The following TMCC3 variants were observed in gnomAD, a reference collection of about 807,000 sequenced individuals.
TMCC3 encodes transmembrane and coiled-coil domain family 3, also known as transmembrane and coiled-coil domain protein 3.
In TMCC3, 28 loss-of-function variants were observed where a neutral mutation model predicts 40.2. That is an observed-to-expected ratio of 0.70 (90% confidence interval 0.52 to 0.95). TMCC3 has a LOEUF of 0.95. Ranked by LOEUF, TMCC3 falls within the 40% of genes least tolerant of loss-of-function variation. The pLI is 0.00. For missense variants in TMCC3, 554 were observed against 615.2 expected (o/e 0.90, Z 1.05); for synonymous variants, 255 against 248.5 (o/e 1.03, Z -0.25).
At chr12:94,628,758 G>A (rs1005859185) in intron 1 of TMCC3, among the ~76,000 whole-genome samples, 6 of 152,198 alleles carry the variant, frequency 3.9e-5, no homozygotes, top group African/African-American at 1.4e-4. Flanking sequence ...GAGAAATGGG[G>A]ATGACAAATA....
At chr12:94,591,383 T>C (rs2068674235) in intron 1 of TMCC3, among the ~76,000 whole-genome samples, 1 of 150,404 alleles carries the variant, frequency 6.6e-6, no homozygotes. Flanking sequence ...TTTGCTCTGT[T>C]ATCCTTACAG....
intron 1 of TMCC3, among the ~76,000 whole-genome samples, chr12:94,595,545 G>C (rs1289236548): frequency 6.6e-6 from 1 of 152,170 alleles, no homozygotes; most frequent in Non-Finnish European, 1.5e-5. Flanking sequence ...TTTCTCTGAG[G>C]GTGAGGGTTT....
At chr12:94,622,843 G>A (rs2138869663) in intron 1 of TMCC3, among the ~76,000 whole-genome samples, 1 of 151,364 alleles carries the variant, frequency 6.6e-6, no homozygotes, top group Non-Finnish European at 1.5e-5. Context: ...AAAATTACAA[G>A]GCAAAGAGGC....
intron 3 of TMCC3, among the ~76,000 whole-genome samples, chr12:94,578,083 A>G (rs1184143180): frequency 1.4e-5 from 2 of 138,800 alleles, no homozygotes; most frequent in African/African-American, 5.3e-5. Flanking sequence ...CGGGAGGCAG[A>G]GGTCGCAGTG....
intron 1 of TMCC3, among the ~76,000 whole-genome samples, chr12:94,623,225 G>GAA (rs758100994): frequency 6.3e-5 from 9 of 142,760 alleles, no homozygotes; most frequent in African/African-American, 2.3e-4. Flanking sequence ...AAATCTGCAG[G>GAA]AAAAAAAAAA....
At chr12:94,624,638 T>TG in intron 1 of TMCC3, among the ~76,000 whole-genome samples, 1 of 151,914 alleles carries the variant, frequency 6.6e-6, no homozygotes, top group South Asian at 2.1e-4. Context: ...CACTTGAGTC[T>TG]GGGAGGCAGA....
At chr12:94,612,459 C>T (rs887854273) in intron 1 of TMCC3, among the ~76,000 whole-genome samples, 1 of 151,766 alleles carries the variant, frequency 6.6e-6, no homozygotes, top group East Asian at 1.9e-4. Context: ...TACAGGTGCC[C>T]GCCACTACAC....
At chr12:94,605,568 G>T (rs1297731935) in intron 1 of TMCC3, among the ~76,000 whole-genome samples, 1 of 152,252 alleles carries the variant, frequency 6.6e-6, no homozygotes, top group Non-Finnish European at 1.5e-5. Flanking sequence ...AAAGAACACT[G>T]TCCATCACAT....
At chr12:94,592,138 T>C (rs2068680235) in intron 1 of TMCC3, among the ~76,000 whole-genome samples, 1 of 152,206 alleles carries the variant, frequency 6.6e-6, no homozygotes. Flanking sequence ...GAGAGTGTCT[T>C]AGTACAGTGT....
At position 94,608,087 on chromosome 12, in the gene TMCC3, T is replaced by C. The variant is rs1317271962; in HGVS notation, c.79-25549A>G. Among the ~76,000 whole-genome samples the C allele has an allele frequency of 3.3e-5, 5 of 152,218 alleles. No individual in the cohort carries two copies. The East Asian group carries it at 7.7e-4, about 23-fold the overall frequency. ...AAACATGTAGTGAACAATCAGTGAA[T>C]ATATACTTCATATTATAGGATTGAC... On this transcript the variant is annotated intron_variant, in intron 1 of 3. Transcript: ENST00000261226.
At chr12:94,580,077 A>G (rs1209329171) in intron 2 of TMCC3, among the ~76,000 whole-genome samples, 1 of 152,262 alleles carries the variant, frequency 6.6e-6, no homozygotes, top group Non-Finnish European at 1.5e-5. Flanking sequence ...ACATAAAATC[A>G]TACATCAATT....
At chr12:94,625,467 G>A (rs947434798) in intron 1 of TMCC3, among the ~76,000 whole-genome samples, 2 of 151,636 alleles carry the variant, frequency 1.3e-5, no homozygotes, top group Non-Finnish European at 2.9e-5. Flanking sequence ...GGTGGTGCAC[G>A]CTTGTAGTCC....
intron 3 of TMCC3, among the ~76,000 whole-genome samples, chr12:94,577,886 C>T (rs529878763): frequency 6.6e-6 from 1 of 152,112 alleles, no homozygotes; most frequent in South Asian, 2.1e-4. Context: ...GTGGCTCACA[C>T]CTGTAATCCC....
At chr12:94,646,597 C>T (rs2069020328) in intron 1 of TMCC3, among the ~76,000 whole-genome samples, 1 of 151,880 alleles carries the variant, frequency 6.6e-6, no homozygotes, top group African/African-American at 2.4e-5. Context: ...TGCCACCATG[C>T]CTGGTTAATT....
intron 1 of TMCC3, among the ~76,000 whole-genome samples, chr12:94,604,037 T>G (rs994491703): frequency 6.6e-6 from 1 of 152,170 alleles, no homozygotes; most frequent in South Asian, 2.1e-4. Flanking sequence ...GTTTTTAGAA[T>G]ACTAAAGAGC....
chr12:94,645,359 C>G lies in TMCC3; in HGVS notation c.78+4994G>C, dbSNP rs74446272. The stretch of plus-strand genomic sequence containing the variant: ...TTTCCGTTTCTAAGCTCACAAATCC[C>G]TCTTTCATATAGTACAGGTCCCCTA... On this transcript the variant is annotated intron_variant, in intron 1 of 3. Coordinates refer to ENST00000261226, the MANE Select transcript of TMCC3 (RefSeq NM_020698.4). Among the ~76,000 whole-genome samples the G allele has an allele frequency of 6.0e-3, 909 of 152,312 alleles. 4 individuals are homozygous for G. Among genetic ancestry groups the G allele is most frequent in the Middle Eastern group, 0.014 (4 of 294 alleles).
rs1458747489 is a variant in TMCC3, at chr12:94,582,261, T to C, written c.356A>G (p.Asn119Ser). Residue 119 changes from asparagine (N) to serine (S), a missense_variant, in exon 2 of 4, where the codon AAT becomes AGT. Transcript: ENST00000261226. The stretch of plus-strand genomic sequence containing the variant: ...GGCGATGGAGTGAGCTGATTTCTGA[T>C]TCTTCTTCTCAAAGACTTGCTTGAT... ...GRIKQVFEKK[N>S]QKSAHSIAQL... The C allele has an allele frequency of 6.2e-7, 1 of 1,614,058 alleles. No homozygotes were observed. Among genetic ancestry groups the C allele is most frequent in the Non-Finnish European group, 8.5e-7 (1 of 1,180,030 alleles).
At chr12:94,574,744 T>G (rs1304985732) in intron 3 of TMCC3, among the ~76,000 whole-genome samples, 1 of 152,234 alleles carries the variant, frequency 6.6e-6, no homozygotes, top group East Asian at 1.9e-4. Context: ...CTAGAAATCA[T>G]GTGTTCTTTT....
chr12:94,590,044 C>T (rs1452001178), intron 1 of TMCC3, among the ~76,000 whole-genome samples: 1 of 131,494 alleles, frequency 7.6e-6, no homozygotes, highest in African/African-American at 2.8e-5. Flanking sequence ...GTGGCTGTAA[C>T]TTTGTGTCCA....
Sources: gnomAD v4.1 joint callset for allele counts (sites outside exome capture counted in the v4.1 genomes callset) on GRCh38, gnomAD v4.1.1 for gene constraint, MANE v1.5 for transcripts, NCBI Gene and HGNC (gene_info 2026-07-23, HGNC 2026-07-21) for gene names.